WWOX: variants seen among roughly 807,000 people sequenced by gnomAD.
The protein encoded by WWOX is WW domain-containing oxidoreductase.
A neutral mutation model predicts 46.2 loss-of-function variants in WWOX; 69 were observed. The ratio of observed to expected loss-of-function variants is 1.49; its 90% CI spans 1.23 to 1.82. WWOX has a LOEUF of 1.82. WWOX is among the 40% of genes most tolerant of loss of function. WWOX has a pLI of 0.00. For missense variants in WWOX, 919 were observed against 542.6 expected (o/e 1.69, Z -6.89); for synonymous variants, 359 against 202.6 (o/e 1.77, Z -6.56).
intron 8 of WWOX, among the ~76,000 whole-genome samples, chr16:79,041,036 G>A (rs896419217): frequency 6.6e-6 from 1 of 151,852 alleles, no homozygotes; most frequent in Non-Finnish European, 1.5e-5. Context: ...ACCGTTCTGA[G>A]CTTCAGTCTC....
At chr16:78,907,322 C>A (rs764535770) in intron 8 of WWOX, among the ~76,000 whole-genome samples, 12 of 152,144 alleles carry the variant, frequency 7.9e-5, no homozygotes, top group Non-Finnish European at 1.6e-4. Context: ...AGAAGGCCAA[C>A]CTTAGGTTCT....
intron 8 of WWOX, among the ~76,000 whole-genome samples, chr16:78,687,444 C>T (rs755122959): frequency 8.5e-4 from 129 of 152,232 alleles, no homozygotes; most frequent in Non-Finnish European, 2.6e-4. Context: ...ATATTTATCA[C>T]GGTTAAGTGA....
intron 8 of WWOX, among the ~76,000 whole-genome samples, chr16:78,511,676 AC>A (rs1447234230): frequency 6.6e-6 from 1 of 151,950 alleles, no homozygotes; most frequent in Non-Finnish European, 1.5e-5. Flanking sequence ...TATCTGTAGT[AC>A]CCCCCGCCTA....
chr16:78,291,298 T>C (rs2079853194), intron 5 of WWOX, among the ~76,000 whole-genome samples: 1 of 152,254 alleles, frequency 6.6e-6, no homozygotes. Context: ...GACCACAGCC[T>C]AATGTTATTT....
intron 8 of WWOX, among the ~76,000 whole-genome samples, chr16:78,762,628 T>C (rs923708424): frequency 6.6e-6 from 1 of 152,192 alleles, no homozygotes; most frequent in East Asian, 1.9e-4. Context: ...GGAGGGGTGC[T>C]TCCCAGGGAG....
intron 8 of WWOX, among the ~76,000 whole-genome samples, chr16:79,199,013 T>A (rs1263003439): frequency 6.6e-6 from 1 of 152,208 alleles, no homozygotes; most frequent in African/African-American, 2.4e-5. Flanking sequence ...ACTTGCTCTT[T>A]GACCTAGGCA....
At chr16:78,954,104 C>G (rs1219488072) in intron 8 of WWOX, among the ~76,000 whole-genome samples, 2 of 152,078 alleles carry the variant, frequency 1.3e-5, no homozygotes, top group African/African-American at 2.4e-5. Context: ...CTTTCTTTTG[C>G]TTTTTCTTTT....
At chr16:79,069,151 TGC>T (rs1385574589) in intron 8 of WWOX, among the ~76,000 whole-genome samples, 23 of 152,322 alleles carry the variant, frequency 1.5e-4, no homozygotes, top group African/African-American at 5.5e-4. Flanking sequence ...GGCCCTGCGC[TGC>T]GCTTGGCGAA....
At chr16:78,520,376 T>G (rs1056593269) in intron 8 of WWOX, among the ~76,000 whole-genome samples, 1 of 152,204 alleles carries the variant, frequency 6.6e-6, no homozygotes, top group African/African-American at 2.4e-5. Context: ...CAGTATTAAT[T>G]GATTTTCATG....
intron 8 of WWOX, among the ~76,000 whole-genome samples, chr16:78,915,739 T>C (rs534176819): frequency 6.6e-6 from 1 of 152,290 alleles, no homozygotes; most frequent in East Asian, 1.9e-4. Flanking sequence ...TCATCTGCCT[T>C]GATCAAACAT....
chr16:78,297,074 C>G (rs946934987), intron 5 of WWOX, among the ~76,000 whole-genome samples: 1 of 152,072 alleles, frequency 6.6e-6, no homozygotes, highest in Non-Finnish European at 1.5e-5. Flanking sequence ...TGGAAAAGAG[C>G]ACAAGTTTCT....
intron 8 of WWOX, among the ~76,000 whole-genome samples, chr16:78,985,514 A>G (rs2046767727): frequency 6.6e-6 from 1 of 152,174 alleles, no homozygotes; most frequent in African/African-American, 2.4e-5. Context: ...TCACGCTGTA[A>G]TCCCAGAACG....
intron 8 of WWOX, among the ~76,000 whole-genome samples, chr16:78,779,301 C>G (rs1339814833): frequency 6.6e-6 from 1 of 152,164 alleles, no homozygotes; most frequent in East Asian, 1.9e-4. Flanking sequence ...CATGCCACCA[C>G]ACCTGGCTAA....
chr16:78,825,516 C>T lies in WWOX; in HGVS notation c.1057-386092C>T, dbSNP rs2051627998. On this transcript the variant is annotated intron_variant, in intron 8 of 8. Coordinates refer to ENST00000566780, the MANE Select transcript of WWOX (RefSeq NM_016373.4). Reference sequence around the variant, plus strand: ...TGTAGTTCAGAAGAGATTTGGCTTCCCACAGGGCATTGTAGAGCTTTATGC... The same window carrying T: ...TGTAGTTCAGAAGAGATTTGGCTTCTCACAGGGCATTGTAGAGCTTTATGC... 2 of 505,362 alleles carry T rather than the reference C, an allele frequency of 4.0e-6. 1 individual carries two copies. The highest frequency in any genetic ancestry group is 3.0e-5 in the South Asian group (2 of 67,476). 31.3% of individuals were successfully genotyped at this position (505,362 alleles called of 1,614,324 possible).
chr16:78,827,907 G>A (rs866678337), intron 8 of WWOX, among the ~76,000 whole-genome samples: 33 of 152,186 alleles, frequency 2.2e-4, no homozygotes, highest in African/African-American at 7.2e-4. Flanking sequence ...TGGGAACCAG[G>A]CACTGCACCT....
chr16:78,419,127 A>T (rs1025831660), intron 6 of WWOX, among the ~76,000 whole-genome samples: 15 of 152,208 alleles, frequency 9.9e-5, no homozygotes, highest in African/African-American at 3.4e-4. Context: ...TAATATGCGT[A>T]AGTCAATTGT....
At chr16:78,872,505 T>C (rs1351211326) in intron 8 of WWOX, among the ~76,000 whole-genome samples, 1 of 152,214 alleles carries the variant, frequency 6.6e-6, no homozygotes, top group East Asian at 1.9e-4. Flanking sequence ...CACACAGGCC[T>C]GGCATCTGTG....
At chr16:78,577,267 G>C (rs1305010725) in intron 8 of WWOX, among the ~76,000 whole-genome samples, 1 of 152,200 alleles carries the variant, frequency 6.6e-6, no homozygotes, top group Non-Finnish European at 1.5e-5. Context: ...AATATTTGCT[G>C]AACAGACTTT....
chr16:78,967,871 G>T (rs1313967913), intron 8 of WWOX, among the ~76,000 whole-genome samples: 2 of 152,256 alleles, frequency 1.3e-5, no homozygotes, highest in South Asian at 4.2e-4. Flanking sequence ...TGCAGCCTCC[G>T]GGGCCACATC....
Sources: allele counts gnomAD v4.1 joint callset (sites outside exome capture counted in the v4.1 genomes callset), GRCh38; gene constraint gnomAD v4.1.1; transcripts MANE v1.5; gene names NCBI Gene and HGNC (gene_info 2026-07-23, HGNC 2026-07-21).